The following MAP7 variants were observed in gnomAD, a reference collection of about 807,000 sequenced individuals.
The protein encoded by MAP7 is ensconsin.
In MAP7, 52 loss-of-function variants were observed where a neutral mutation model predicts 94.8. The ratio of observed to expected loss-of-function variants is 0.55; its 90% CI spans 0.44 to 0.69. The LOEUF (loss-of-function observed/expected upper bound fraction) is 0.69. Among genes scored for constraint, MAP7 ranks in the 30% least tolerant of loss-of-function variants. MAP7 has a pLI of 0.00. For missense variants in MAP7, 940 were observed against 964.6 expected (o/e 0.97, Z 0.34); for synonymous variants, 350 against 357.0 (o/e 0.98, Z 0.22).
chr6:136,481,691 A>G (rs1812898933), intron 1 of MAP7, among the ~76,000 whole-genome samples: 1 of 152,212 alleles, frequency 6.6e-6, no homozygotes, highest in Non-Finnish European at 1.5e-5. Context: ...ATAAGATCTC[A>G]TATTTGATAG....
chr6:136,402,905 C>CAAAAAAAAAAA (rs57114676), intron 3 of MAP7, among the ~76,000 whole-genome samples: 60 of 67,394 alleles, frequency 8.9e-4, no homozygotes, highest in East Asian at 1.7e-3. Context: ...GACTCTGTCT[C>CAAAAAAAAAAA]AAAAAAAAAA....
chr6:136,389,712 TTAATA>T (rs987584219), intron 3 of MAP7, among the ~76,000 whole-genome samples, 195 bp from the exon 4 acceptor site: 12 of 152,274 alleles, frequency 7.9e-5, no homozygotes, highest in African/African-American at 2.4e-4. Context: ...TTAGCATAAT[TTAATA>T]TGTTAGCAAT....
chr6:136,441,832 C>T (rs60072995), intron 1 of MAP7, among the ~76,000 whole-genome samples: 2,420 of 152,230 alleles, frequency 0.016, 86 homozygotes, highest in East Asian at 0.14. Flanking sequence ...CTGGATAACA[C>T]AGGGAGACCC....
rs113552105 is a variant in MAP7 at position 136,394,759 on chromosome 6, C to T, written c.245-5242G>A. Among the ~76,000 whole-genome samples the T allele has an allele frequency of 7.7e-3, 1,164 of 151,008 alleles. 8 individuals carry two copies. Among genetic ancestry groups the T allele is most frequent in the Admixed American group, 0.012 (182 of 15,154 alleles). ...TTCCCAGCCCCTGGCAAGCACCACT[C>T]GACTCACTACCTCCATGAGATCACT... On this transcript the variant is annotated intron_variant, in intron 3 of 17. Transcript: ENST00000354570.
chr6:136,492,455 T>C (rs1261486051), intron 1 of MAP7, among the ~76,000 whole-genome samples: 1 of 152,208 alleles, frequency 6.6e-6, no homozygotes, highest in Non-Finnish European at 1.5e-5. Flanking sequence ...TTCAAATAAG[T>C]GTCATCTGTT....
intron 16 of MAP7, among the ~76,000 whole-genome samples, chr6:136,354,048 G>A (rs1026005679): frequency 6.7e-6 from 1 of 148,984 alleles, no homozygotes; most frequent in Non-Finnish European, 1.5e-5. Flanking sequence ...AAGGGCTATA[G>A]AAATTTTAAA....
chr6:136,408,920 T>C (rs1266369217), intron 3 of MAP7, among the ~76,000 whole-genome samples: 1 of 152,122 alleles, frequency 6.6e-6, no homozygotes, highest in Non-Finnish European at 1.5e-5. Context: ...CAGCTGAAAT[T>C]AGATTTTTAA....
At chr6:136,391,010 A>G (rs986530009) in intron 3 of MAP7, among the ~76,000 whole-genome samples, 7 of 152,198 alleles carry the variant, frequency 4.6e-5, no homozygotes, top group African/African-American at 1.7e-4. Flanking sequence ...ACTGGTCTTC[A>G]AGGTTCCTAC....
At chr6:136,430,237 G>A (rs907940570) in intron 1 of MAP7, among the ~76,000 whole-genome samples, 1 of 152,074 alleles carries the variant, frequency 6.6e-6, no homozygotes, top group Non-Finnish European at 1.5e-5. Context: ...TTAAAACAAC[G>A]AACTGAAAAG....
intron 1 of MAP7, among the ~76,000 whole-genome samples, chr6:136,438,503 A>AT (rs1562400375): frequency 2.0e-5 from 3 of 151,764 alleles, no homozygotes; most frequent in South Asian, 4.2e-4. Context: ...GTGTAGGTGC[A>AT]TTTTTTTTCT....
chr6:136,530,675 G>A (rs374216416), intron 1 of MAP7, among the ~76,000 whole-genome samples: 1 of 144,972 alleles, frequency 6.9e-6, no homozygotes, highest in Non-Finnish European at 1.5e-5. Flanking sequence ...ACAACATTCT[G>A]CCATCTTGCA....
At chr6:136,538,235 T>C (rs1829037027) in intron 1 of MAP7, among the ~76,000 whole-genome samples, 1 of 152,212 alleles carries the variant, frequency 6.6e-6, no homozygotes, top group African/African-American at 2.4e-5. Flanking sequence ...TCTTCTAAAA[T>C]TTGTGACTTT....
rs188729948 is a variant in MAP7 at position 136,453,865 on chromosome 6, A to G, written c.68-32066T>C. Among the ~76,000 whole-genome samples the G allele has an allele frequency of 1.4e-4, 21 of 152,346 alleles. No homozygotes were observed. The East Asian group carries it at 3.5e-3, about 25-fold the overall frequency. ...GAAATAGCTTCATAGTATTCAGCCA[A>G]AGCTGTTTATGACTGATACTTACAT... On this transcript the variant is annotated intron_variant, in intron 1 of 17. Transcript: ENST00000354570.
chr6:136,524,611 G>A (rs3799462), intron 1 of MAP7, among the ~76,000 whole-genome samples: 18,400 of 152,162 alleles, frequency 0.12, 1,249 homozygotes, highest in East Asian at 0.15. Context: ...ATCAACTACA[G>A]TAGTAAGATT....
At chr6:136,508,304 C>T (rs1344357884) in intron 1 of MAP7, among the ~76,000 whole-genome samples, 1 of 151,278 alleles carries the variant, frequency 6.6e-6, no homozygotes, top group Non-Finnish European at 1.5e-5. Flanking sequence ...CCAACCTGGG[C>T]AACAGAGTGA....
chr6:136,359,823 T>C lies in MAP7; in HGVS notation c.1909A>G (p.Thr637Ala). 1 of 1,612,364 alleles carries C rather than the reference T, an allele frequency of 6.2e-7. No homozygotes were observed. The highest frequency in any genetic ancestry group is 8.5e-7 in the Non-Finnish European group (1 of 1,179,764). Residue 637 changes from threonine to alanine, a missense_variant, in exon 15 of 18, where the codon ACA becomes GCA. Physicochemically the swap from Thr to Ala is moderately conservative, Grantham distance 58 (BLOSUM62 0). Transcript: ENST00000354570. ...DIAKGALTGG[T>A]EVSALPCTTN... ...TTGAGTTCATTGACAGAAATACCTG[T>C]TCCTCCAGTGAGAGCTCCCTTGGCT...
chr6:136,450,940 A>G (rs762103127), intron 1 of MAP7, among the ~76,000 whole-genome samples: 1 of 152,218 alleles, frequency 6.6e-6, no homozygotes, highest in Non-Finnish European at 1.5e-5. Context: ...TGTACCCCAA[A>G]TATGCCTTTT....
At chr6:136,445,987 T>C (rs1434849353) in intron 1 of MAP7, among the ~76,000 whole-genome samples, 1 of 152,250 alleles carries the variant, frequency 6.6e-6, no homozygotes, top group Non-Finnish European at 1.5e-5. Flanking sequence ...CGACACCAGC[T>C]GGGTATCTTC....
At chr6:136,421,848 T>A (rs1052798808) in intron 1 of MAP7, 49 bp from the exon 2 acceptor site, 3 of 1,435,852 alleles carry the variant, frequency 2.1e-6, no homozygotes, top group East Asian at 2.3e-5. Flanking sequence ...TTCTTAAAAT[T>A]TCTTCAGAAA....
Sources: gnomAD v4.1 joint callset for allele counts (sites outside exome capture counted in the v4.1 genomes callset) on GRCh38, gnomAD v4.1.1 for gene constraint, MANE v1.5 for transcripts, NCBI Gene and HGNC (gene_info 2026-07-23, HGNC 2026-07-21) for gene names.